TMEM131: variants seen among roughly 807,000 people sequenced by gnomAD.
TMEM131 encodes the protein transmembrane protein 131.
A neutral mutation model predicts 211.6 loss-of-function variants in TMEM131; 66 were observed. The observed-to-expected ratio is 0.31, with a 90% confidence interval of 0.26 to 0.38. TMEM131 has a LOEUF of 0.38. Among genes scored for constraint, TMEM131 ranks in the 10% least tolerant of loss-of-function variants. The pLI is 1.00. For synonymous variants in TMEM131, 844 were observed against 841.3 expected, an observed-to-expected ratio of 1.00 and a Z score of -0.06; for missense variants, 2,036 against 2,299.3, an observed-to-expected ratio of 0.89 and a Z score of 2.34.
chr2:97,826,904 T>C (rs897668815), intron 11 of TMEM131, among the ~76,000 whole-genome samples: 1 of 151,916 alleles, frequency 6.6e-6, no homozygotes, highest in African/African-American at 2.4e-5. Context: ...CTATCAAAAA[T>C]CCTTAACCCA....
intron 1 of TMEM131, among the ~76,000 whole-genome samples, chr2:97,994,539 T>C (rs960792419): frequency 2.0e-5 from 3 of 152,190 alleles, no homozygotes; most frequent in South Asian, 4.1e-4. Context: ...TGGCAAGAAA[T>C]TGTTTTCTTG....
At chr2:97,979,846 C>A (rs944693761) in intron 1 of TMEM131, among the ~76,000 whole-genome samples, 11 of 152,152 alleles carry the variant, frequency 7.2e-5, no homozygotes, top group Non-Finnish European at 1.5e-4. Context: ...CTGTTTGGTA[C>A]GAGAGGCCTA....
At chr2:97,890,122 T>C (rs1675320023) in intron 3 of TMEM131, among the ~76,000 whole-genome samples, 1 of 152,194 alleles carries the variant, frequency 6.6e-6, no homozygotes, top group African/African-American at 2.4e-5. Context: ...AGCTCAGAGG[T>C]ACAAGAGCCA....
Position 97,796,768 on chromosome 2 carries a change from ATGT to A in TMEM131, c.3013+73_3013+75del, listed in dbSNP as rs554564534. The A allele has an allele frequency of 2.8e-4, 401 of 1,450,772 alleles. 4 individuals carry two copies. The South Asian group carries it at 4.6e-3, about 17-fold the overall frequency. The allele number at this position is 1,450,772 out of a possible 1,614,324, so 89.9% of individuals were successfully genotyped here. On this transcript the variant is annotated intron_variant, in intron 27 of 40. Coordinates refer to ENST00000186436, the MANE Select transcript of TMEM131 (RefSeq NM_015348.2). ...ATACACAGGTGCACATACAGAAATA[ATGT>A]TGTTTTTGAAATTATTTACTGTTGA...
rs760414500 is a variant in TMEM131, at chr2:97,762,215, C to T, written c.4724-15G>A. ...ACTATCAGTAGCTGGAAATTAAAAA[C>T]AAACGGGCTCGTTAGTGTGGTGTTT... On this transcript the variant is annotated splice_polypyrimidine_tract_variant and intron_variant, in intron 35 of 40. Transcript: ENST00000186436. 5.0e-5 allele frequency: 81 copies of T among 1,613,412 alleles called. No homozygotes were observed. The highest frequency in any genetic ancestry group is 6.4e-5 in the Non-Finnish European group (76 of 1,179,644).
At chr2:97,786,701 G>A (rs1294537861) in intron 31 of TMEM131, among the ~76,000 whole-genome samples, 2 of 152,296 alleles carry the variant, frequency 1.3e-5, no homozygotes, top group Admixed American at 1.3e-4. Context: ...CTGTGCATGT[G>A]GGGGTGACTG....
At chr2:97,897,995 G>A (rs888029829) in intron 3 of TMEM131, among the ~76,000 whole-genome samples, 7 of 152,064 alleles carry the variant, frequency 4.6e-5, no homozygotes, top group Non-Finnish European at 8.8e-5. Flanking sequence ...ATTTGAGAAT[G>A]AAGGGATTCA....
At chr2:97,818,876 T>C (rs544224907) in intron 11 of TMEM131, among the ~76,000 whole-genome samples, 155 bp from the exon 12 acceptor site, 11 of 152,334 alleles carry the variant, frequency 7.2e-5, no homozygotes, top group African/African-American at 2.4e-4. Context: ...TAGGCCACAC[T>C]GGAAAACTTC....
At chr2:97,770,584 C>T (rs966651364) in intron 33 of TMEM131, among the ~76,000 whole-genome samples, 5 of 152,168 alleles carry the variant, frequency 3.3e-5, no homozygotes, top group Admixed American at 6.5e-5. Context: ...ACTCAAGCGA[C>T]GTCTTTGACT....
At chr2:97,973,516 A>G (rs1034189934) in intron 1 of TMEM131, among the ~76,000 whole-genome samples, 3 of 152,162 alleles carry the variant, frequency 2.0e-5, no homozygotes, top group African/African-American at 7.2e-5. Context: ...AAACCAAGGC[A>G]ATTAGAGTTC....
intron 11 of TMEM131, among the ~76,000 whole-genome samples, chr2:97,828,990 C>T (rs908010999): frequency 1.3e-5 from 2 of 152,222 alleles, no homozygotes; most frequent in African/African-American, 4.8e-5. Flanking sequence ...ATAAGCTCAA[C>T]TAACAACTTC....
Position 97,896,844 on chromosome 2 carries a change from C to G in TMEM131, c.291-8724G>C, listed in dbSNP as rs1229825177. ...AGATGCTTAACGTTTTCCATCTAAT[C>G]TTGAAAAGCAGCTTATCAATTTCTA... On this transcript the variant is annotated intron_variant, in intron 3 of 40. Coordinates refer to ENST00000186436, the MANE Select transcript of TMEM131 (RefSeq NM_015348.2). Among the ~76,000 whole-genome samples, 3 of 151,924 alleles carry G rather than the reference C, an allele frequency of 2.0e-5. No individual in the cohort carries two copies. In the East Asian group the frequency reaches 5.8e-4, roughly 29 times the overall value.
chr2:97,937,427 A>G (rs1378099049), intron 1 of TMEM131, among the ~76,000 whole-genome samples: 1 of 152,148 alleles, frequency 6.6e-6, no homozygotes, highest in East Asian at 1.9e-4. Context: ...ACTACAAAAC[A>G]CCATCTGTAC....
rs187475714 is a variant in TMEM131, at chr2:97,793,326, T to C, written c.3545+69A>G. The C allele has an allele frequency of 1.0e-5, 15 of 1,478,892 alleles. No homozygotes were observed. The African/African-American group carries it at 1.3e-4, about 13-fold the overall frequency. The allele number at this position is 1,478,892 out of a possible 1,614,324, so 91.6% of individuals were successfully genotyped here. On this transcript the variant is annotated intron_variant, in intron 30 of 40. Coordinates refer to ENST00000186436, the MANE Select transcript of TMEM131 (RefSeq NM_015348.2). The stretch of plus-strand genomic sequence containing the variant: ...CTGAGCAAAGATGAAAAGAAACTTA[T>C]TTTTTATTGTAATTTTATCAGCCAA...
Position 97,812,441 on chromosome 2 carries a change from A to T in TMEM131, c.1843T>A (p.Ser615Thr). 1.2e-6 allele frequency: 2 copies of T among 1,609,252 alleles called. No individual in the cohort carries two copies. Among genetic ancestry groups the T allele is most frequent in the Non-Finnish European group, 1.7e-6 (2 of 1,178,722 alleles). ...CTTACCGATGATTGATCTGATAAAG[A>T]GGATTTTTCAAACTCTGGCAGGCTT... ...ISSLPEFEKSSLSDQSSVTLA... is the reference protein window; with the variant it reads ...ISSLPEFEKSTLSDQSSVTLA... The change falls in exon 17 of 41, where the codon TCT (serine) becomes ACT (threonine). Residue 615 changes from serine (S) to threonine (T), a missense_variant. Coordinates refer to ENST00000186436, the MANE Select transcript of TMEM131 (RefSeq NM_015348.2).
chr2:97,757,127 G>GA lies in TMEM131; in HGVS notation c.5623dup (p.Ser1875PhefsTer2). The GA allele has an allele frequency of 6.2e-7, 1 of 1,608,894 alleles. No homozygotes were observed. Among genetic ancestry groups the GA allele is most frequent in the Non-Finnish European group, 8.5e-7 (1 of 1,176,630 alleles). On this transcript the variant is annotated frameshift_variant, in exon 41 of 41. Transcript: ENST00000186436. LOFTEE classifies it high-confidence loss of function. ...ATTCTCGTGAGGAAAGTGCGAATTA[G>GA]ACCAAGGGTCCGAGCTTCTTCTTCC...
chr2:97,904,432 AC>A (rs1219881532), intron 3 of TMEM131, among the ~76,000 whole-genome samples: 1 of 152,200 alleles, frequency 6.6e-6, no homozygotes, highest in African/African-American at 2.4e-5. Flanking sequence ...ATATGAAAAA[AC>A]ATTAACAAAT....
At chr2:97,906,601 A>T (rs895849943) in intron 3 of TMEM131, among the ~76,000 whole-genome samples, 4 of 152,224 alleles carry the variant, frequency 2.6e-5, no homozygotes. Flanking sequence ...GAGTCCAGCC[A>T]TCATACTAGG....
chr2:97,796,990 T>A lies in TMEM131; in HGVS notation c.2871-4A>T. ...ATCCATCACAGTCAGGTTATTTCTA[T>A]GCAAGAATGAGAATTACAGATTTTT... On this transcript the variant is annotated splice_polypyrimidine_tract_variant and splice_region_variant and intron_variant, in intron 26 of 40. Transcript: ENST00000186436. 6.2e-7 allele frequency: 1 copy of A among 1,604,394 alleles called. No individual in the cohort carries two copies.
Sources: gnomAD v4.1 joint callset for allele counts (sites outside exome capture counted in the v4.1 genomes callset) on GRCh38, gnomAD v4.1.1 for gene constraint, MANE v1.5 for transcripts, NCBI Gene and HGNC (gene_info 2026-07-23, HGNC 2026-07-21) for gene names.